The following RBFOX1 variants were observed in gnomAD, a reference collection of about 807,000 sequenced individuals.
RBFOX1 encodes the protein RNA binding fox-1 homolog 1.
In RBFOX1, 8 loss-of-function variants were observed where a neutral mutation model predicts 57.7. That is an observed-to-expected ratio of 0.14 (90% CI 0.08 to 0.25). RBFOX1 has a LOEUF of 0.25. Among genes scored for constraint, RBFOX1 ranks in the 10% least tolerant of loss-of-function variants. RBFOX1 has a pLI of 1.00. For synonymous variants in RBFOX1, 326 were observed against 222.4 expected (o/e 1.47, Z -4.15); for missense variants, 611 against 548.5 (o/e 1.11, Z -1.14).
At chr16:6,899,495 C>G (rs192321725) in intron 3 of RBFOX1, among the ~76,000 whole-genome samples, 13 of 152,304 alleles carry the variant, frequency 8.5e-5, no homozygotes, top group Admixed American at 7.8e-4. Context: ...CATCTGCTTA[C>G]TATACCATCT....
chr16:6,515,376 G>A (rs2096355330), intron 2 of RBFOX1, among the ~76,000 whole-genome samples: 1 of 152,164 alleles, frequency 6.6e-6, no homozygotes, highest in Non-Finnish European at 1.5e-5. Context: ...GTTCCCAGTT[G>A]AGCATTACGT....
At chr16:6,995,290 T>TGTGTG (rs2092083895) in intron 3 of RBFOX1, among the ~76,000 whole-genome samples, 46 of 138,414 alleles carry the variant, frequency 3.3e-4, no homozygotes, top group African/African-American at 1.2e-3. Flanking sequence ...GAAAGTAGCC[T>TGTGTG]TGTGTGTGTG....
At chr16:7,622,614 G>A (rs1412806770) in intron 10 of RBFOX1, among the ~76,000 whole-genome samples, 2 of 138,818 alleles carry the variant, frequency 1.4e-5, no homozygotes, top group Non-Finnish European at 1.5e-5. Context: ...CAAACAAGAA[G>A]TGGTGTATTT....
chr16:7,251,615 T>TC (rs1342537829), intron 4 of RBFOX1, among the ~76,000 whole-genome samples: 2 of 152,084 alleles, frequency 1.3e-5, no homozygotes, highest in Admixed American at 1.3e-4. Context: ...AGACGAAGTT[T>TC]CACCATGTTG....
chr16:5,578,177 C>T (rs1298073436), intron 2 of RBFOX1, among the ~76,000 whole-genome samples: 2 of 152,152 alleles, frequency 1.3e-5, no homozygotes, highest in African/African-American at 4.8e-5. Context: ...GTTTTGATCT[C>T]TTGACCTCGT....
rs1454828483 is a variant in RBFOX1, at chr16:6,118,638, CTCTT to C, written c.-127+98654_-127+98657del. On this transcript the variant is annotated intron_variant, in intron 1 of 15. Coordinates refer to ENST00000550418, the MANE Select transcript of RBFOX1 (RefSeq NM_018723.4). Reference sequence around the variant, plus strand: ...TGCTCTCCTCCCTCCCTCTCTCCCTCTCTTTCTTTCTCTTTCCCTCTCCTTCCTT... The same window carrying C: ...TGCTCTCCTCCCTCCCTCTCTCCCTCTCTTTCTCTTTCCCTCTCCTTCCTT... 9.9e-5 allele frequency among the ~76,000 whole-genome samples: 15 copies of C among 151,664 alleles called. No individual in the cohort carries two copies. The South Asian group carries it at 1.7e-3, about 17-fold the overall frequency.
chr16:7,103,904 T>C (rs374797192), intron 4 of RBFOX1, among the ~76,000 whole-genome samples: 3 of 152,276 alleles, frequency 2.0e-5, no homozygotes, highest in African/African-American at 7.2e-5. Flanking sequence ...GTTTCTGTTG[T>C]TTAGCTGAGT....
At chr16:7,214,879 GTTTTGTTTATTCT>G (rs1307569726) in intron 4 of RBFOX1, among the ~76,000 whole-genome samples, 1 of 152,108 alleles carries the variant, frequency 6.6e-6, no homozygotes, top group Non-Finnish European at 1.5e-5. Context: ...CAGTGAAAGA[GTTTTGTTTATTCT>G]TTTTATTTTA....
chr16:6,843,561 C>G (rs1426528185), intron 3 of RBFOX1, among the ~76,000 whole-genome samples: 1 of 151,964 alleles, frequency 6.6e-6, no homozygotes, highest in Non-Finnish European at 1.5e-5. Flanking sequence ...TGGTGGCGGG[C>G]ACCTGTAGTC....
At chr16:6,659,575 C>T (rs557617307) in intron 3 of RBFOX1, among the ~76,000 whole-genome samples, 1 of 152,138 alleles carries the variant, frequency 6.6e-6, no homozygotes, top group South Asian at 2.1e-4. Flanking sequence ...ATTTAAGTGA[C>T]TTGCCTGAGA....
chr16:6,155,252 A>G (rs1020507205), intron 1 of RBFOX1, among the ~76,000 whole-genome samples: 10 of 152,222 alleles, frequency 6.6e-5, no homozygotes, highest in Non-Finnish European at 1.5e-5. Context: ...GACAAGCCCT[A>G]GGAGACTGAG....
intron 3 of RBFOX1, among the ~76,000 whole-genome samples, chr16:7,029,189 TACACATATGTATACGTATAC>T (rs2042069862): frequency 1.9e-5 from 1 of 54,024 alleles, no homozygotes; most frequent in Admixed American, 2.1e-4. Context: ...CGTGTATATA[TACACATATGTATACGTATAC>T]GTATATATAT....
At chr16:5,419,226 C>T (rs772538897) in intron 1 of RBFOX1, among the ~76,000 whole-genome samples, 11 of 152,152 alleles carry the variant, frequency 7.2e-5, no homozygotes, top group Non-Finnish European at 1.6e-4. Flanking sequence ...GGAGTATTGA[C>T]TCACACGATC....
At chr16:6,912,649 T>A (rs1310170286) in intron 3 of RBFOX1, among the ~76,000 whole-genome samples, 1 of 151,598 alleles carries the variant, frequency 6.6e-6, no homozygotes, top group Non-Finnish European at 1.5e-5. Context: ...AAGGTCTCAC[T>A]GTGTCATCCA....
At chr16:6,804,875 G>A (rs1033259227) in intron 3 of RBFOX1, among the ~76,000 whole-genome samples, 1 of 152,098 alleles carries the variant, frequency 6.6e-6, no homozygotes, top group Admixed American at 6.6e-5. Context: ...TCTTAAAAAG[G>A]CCATGTGTCC....
chr16:6,631,542 G>A (rs1358437279), intron 2 of RBFOX1, among the ~76,000 whole-genome samples: 2 of 151,970 alleles, frequency 1.3e-5, no homozygotes, highest in Non-Finnish European at 2.9e-5. Flanking sequence ...TTTGTTCTGG[G>A]TGTCAGAATA....
At chr16:5,401,448 T>G (rs1596867028) in intron 1 of RBFOX1, among the ~76,000 whole-genome samples, 1 of 152,208 alleles carries the variant, frequency 6.6e-6, no homozygotes, top group Non-Finnish European at 1.5e-5. Context: ...GCCATTAATG[T>G]GCTGGAACAA....
chr16:6,357,808 G>A (rs866000579), intron 2 of RBFOX1, among the ~76,000 whole-genome samples: 4 of 151,958 alleles, frequency 2.6e-5, no homozygotes, highest in Middle Eastern at 3.4e-3. Context: ...AAAATTAGCC[G>A]GGCGTGGTGG....
chr16:6,360,661 G>A lies in RBFOX1; in HGVS notation c.-64+43604G>A, dbSNP rs537107340. On this transcript the variant is annotated intron_variant, in intron 2 of 15. Transcript: ENST00000550418. ...AACCCTTTGTCAAGTATATCATGCCGTTTCAGAATTATCTGAAATAATCAT... is the reference window on the plus strand; with the variant it reads ...AACCCTTTGTCAAGTATATCATGCCATTTCAGAATTATCTGAAATAATCAT... 3.9e-4 allele frequency among the ~76,000 whole-genome samples: 60 copies of A among 152,254 alleles called. 1 individual carries two copies. The highest frequency in any genetic ancestry group is 8.1e-4 in the Non-Finnish European group (55 of 68,018).
Sources: allele counts gnomAD v4.1 joint callset (sites outside exome capture counted in the v4.1 genomes callset), GRCh38; gene constraint gnomAD v4.1.1; transcripts MANE v1.5; gene names NCBI Gene and HGNC (gene_info 2026-07-23, HGNC 2026-07-21).